Variants in PDE1A observed in about 807,000 individuals in gnomAD.
The protein encoded by PDE1A is dual specificity calcium/calmodulin-dependent 3',5'-cyclic nucleotide phosphodiesterase 1A.
In PDE1A, 35 loss-of-function variants were observed where a neutral mutation model predicts 61.7. The ratio of observed to expected loss-of-function variants is 0.57; its 90% CI spans 0.43 to 0.75. PDE1A has a LOEUF of 0.75. PDE1A is among the 30% of genes least tolerant of loss of function. The probability of loss-of-function intolerance (pLI) is 0.00; values close to 1 mark genes in which losing one functional copy is unlikely to be tolerated. For missense variants in PDE1A, 597 were observed against 630.6 expected, an observed-to-expected ratio of 0.95 and a Z score of 0.57; for synonymous variants, 232 against 213.2, an observed-to-expected ratio of 1.09 and a Z score of -0.77.
intron 3 of PDE1A, among the ~76,000 whole-genome samples, chr2:182,239,201 G>A (rs1690303930): frequency 1.3e-5 from 2 of 152,074 alleles, no homozygotes; most frequent in South Asian, 4.2e-4. Flanking sequence ...TTGATTAACG[G>A]TAATGCCTAG....
the PDE1A span, among the ~76,000 whole-genome samples, chr2:182,699,821 G>A: frequency 4.5e-4 from 68 of 152,258 alleles, no homozygotes; most frequent in African/African-American, 1.6e-3. Context: ...ACAATTTTGG[G>A]AGATAAACAG....
At chr2:182,265,983 A>G (rs140040333) in intron 1 of PDE1A, among the ~76,000 whole-genome samples, 13 of 152,292 alleles carry the variant, frequency 8.5e-5, no homozygotes, top group African/African-American at 3.1e-4. Flanking sequence ...GGGTGAAGAT[A>G]CAAAGGCAAG....
At chr2:182,562,335 C>G in the PDE1A span, among the ~76,000 whole-genome samples, 1 of 149,154 alleles carries the variant, frequency 6.7e-6, no homozygotes, top group African/African-American at 2.4e-5. Flanking sequence ...GTCTTTGGTT[C>G]TGTTTATATG....
intron 13 of PDE1A, among the ~76,000 whole-genome samples, chr2:182,156,646 A>C (rs1334357811): frequency 6.6e-6 from 1 of 152,188 alleles, no homozygotes; most frequent in East Asian, 1.9e-4. Flanking sequence ...GTGGCTGAGT[A>C]GTGTGGTAGT....
intron 1 of PDE1A, among the ~76,000 whole-genome samples, chr2:182,271,052 A>G (rs1692981653): frequency 6.6e-6 from 1 of 151,868 alleles, no homozygotes. Flanking sequence ...TCCCCAAACA[A>G]TTTCTATAAT....
the PDE1A span, among the ~76,000 whole-genome samples, chr2:182,564,077 G>A: frequency 1.3e-5 from 2 of 152,158 alleles, no homozygotes; most frequent in Non-Finnish European, 2.9e-5. Context: ...ATTGTTATAT[G>A]TGAATTTGAT....
chr2:182,386,951 G>A (rs1409696759), intron 1 of PDE1A, among the ~76,000 whole-genome samples: 3 of 152,378 alleles, frequency 2.0e-5, no homozygotes, highest in African/African-American at 7.2e-5. Flanking sequence ...GGGCCATGAT[G>A]ACGACGGCGG....
the PDE1A span, among the ~76,000 whole-genome samples, chr2:182,600,944 C>T: frequency 6.6e-6 from 1 of 152,186 alleles, no homozygotes; most frequent in Non-Finnish European, 1.5e-5. Context: ...CTTTTCAGAA[C>T]TTTGTGGCTG....
At chr2:182,223,423 T>C (rs1356317108) in intron 7 of PDE1A, among the ~76,000 whole-genome samples, 1 of 152,092 alleles carries the variant, frequency 6.6e-6, no homozygotes, top group Non-Finnish European at 1.5e-5. Flanking sequence ...TTTCTAGTTA[T>C]TTTAAATTTA....
chr2:182,517,548 T>C (rs1277074757), intron 2 of PDE1A, among the ~76,000 whole-genome samples: 2 of 152,202 alleles, frequency 1.3e-5, no homozygotes, highest in Non-Finnish European at 2.9e-5. Flanking sequence ...TCCAATGAAG[T>C]GAGCATAGCT....
chr2:182,677,187 T>C, the PDE1A span, among the ~76,000 whole-genome samples: 58 of 152,318 alleles, frequency 3.8e-4, no homozygotes, highest in African/African-American at 1.3e-3. Context: ...CAAAAGCTCC[T>C]GCAGCTGATA....
intron 1 of PDE1A, among the ~76,000 whole-genome samples, chr2:182,378,341 G>GT (rs1700539226): frequency 6.6e-6 from 1 of 152,054 alleles, no homozygotes; most frequent in Non-Finnish European, 1.5e-5. Context: ...TGAAGGGGGC[G>GT]TATCAATATT....
intron 7 of PDE1A, among the ~76,000 whole-genome samples, chr2:182,219,865 T>C (rs972340229): frequency 4.6e-5 from 7 of 152,142 alleles, no homozygotes; most frequent in Non-Finnish European, 7.4e-5. Flanking sequence ...TAATAATCAT[T>C]TTACTATCTG....
chr2:182,336,927 A>C (rs1207441447), intron 1 of PDE1A, among the ~76,000 whole-genome samples: 2 of 150,384 alleles, frequency 1.3e-5, no homozygotes, highest in Non-Finnish European at 2.9e-5. Context: ...CATAGACCTA[A>C]GTAACAAACC....
At chr2:182,584,374 G>A in the PDE1A span, among the ~76,000 whole-genome samples, 24 of 148,020 alleles carry the variant, frequency 1.6e-4, no homozygotes, top group East Asian at 6.1e-4. Flanking sequence ...CAGAGAGAAA[G>A]CACAGCAGTG....
intron 1 of PDE1A, among the ~76,000 whole-genome samples, chr2:182,372,221 G>T (rs766166911): frequency 3.2e-4 from 48 of 152,110 alleles, no homozygotes; most frequent in Non-Finnish European, 6.5e-4. Context: ...TATAACTCTT[G>T]TATTTATACA....
chr2:182,648,376 C>T, the PDE1A span, among the ~76,000 whole-genome samples: 1 of 151,544 alleles, frequency 6.6e-6, no homozygotes, highest in Non-Finnish European at 1.5e-5. Context: ...TAAGTAGATG[C>T]AGTAATAAGT....
At chr2:182,566,791 A>G in the PDE1A span, among the ~76,000 whole-genome samples, 16 of 152,070 alleles carry the variant, frequency 1.1e-4, no homozygotes, top group South Asian at 2.3e-3. Context: ...TTGTGAGTTG[A>G]TTTTTCATCT....
At chr2:182,401,234 T>G (rs1348943340) in intron 1 of PDE1A, among the ~76,000 whole-genome samples, 1 of 152,074 alleles carries the variant, frequency 6.6e-6, no homozygotes, top group Non-Finnish European at 1.5e-5. Flanking sequence ...AGAAAATTTT[T>G]GCCAATATCC....
Sources: gnomAD v4.1 joint callset for allele counts (sites outside exome capture counted in the v4.1 genomes callset) on GRCh38, gnomAD v4.1.1 for gene constraint, MANE v1.5 for transcripts, NCBI Gene and HGNC (gene_info 2026-07-23, HGNC 2026-07-21) for gene names.